Variants in SLC14A2 observed in about 807,000 individuals in gnomAD.
The protein encoded by SLC14A2 is urea transporter 2.
SLC14A2 carries 91 observed loss-of-function variants against 104.6 expected under a neutral mutation model. The observed-to-expected ratio is 0.87, with a 90% confidence interval of 0.73 to 1.04. SLC14A2 has a LOEUF of 1.04. Ranked by LOEUF, SLC14A2 falls within the 50% of genes least tolerant of loss-of-function variation. The pLI is 0.00. For missense variants in SLC14A2, 1,189 were observed against 1,156.0 expected, an observed-to-expected ratio of 1.03 and a Z score of -0.41; for synonymous variants, 476 against 466.4, an observed-to-expected ratio of 1.02 and a Z score of -0.27.
chr18:45,291,836 G>T (rs957742873), intron 1 of SLC14A2, among the ~76,000 whole-genome samples: 1 of 151,928 alleles, frequency 6.6e-6, no homozygotes, highest in Non-Finnish European at 1.5e-5. Context: ...CGGTTGGGGG[G>T]GTGGGGAACG....
chr18:45,216,441 T>A (rs1309451158), intron 1 of SLC14A2, among the ~76,000 whole-genome samples: 1 of 152,178 alleles, frequency 6.6e-6, no homozygotes, highest in Admixed American at 6.6e-5. Flanking sequence ...GGCATCTGCC[T>A]GCTATGGCTA....
chr18:45,417,428 T>C (rs1275329891), intron 1 of SLC14A2, among the ~76,000 whole-genome samples: 1 of 152,186 alleles, frequency 6.6e-6, no homozygotes, highest in Non-Finnish European at 1.5e-5. Context: ...TCTGCATGGC[T>C]TAGGAAGCCT....
chr18:45,485,238 G>C (rs147818800), intron 2 of SLC14A2: 1 of 152,048 alleles, frequency 6.6e-6, no homozygotes, highest in Non-Finnish European at 1.5e-5. Flanking sequence ...CTCAAACCCT[G>C]GCCTTTTAAG....
chr18:45,481,031 TA>T (rs2087482724), intron 1 of SLC14A2, among the ~76,000 whole-genome samples: 1 of 152,102 alleles, frequency 6.6e-6, no homozygotes. Context: ...TGATAAAGTT[TA>T]AAAAGTAAGC....
intron 1 of SLC14A2, among the ~76,000 whole-genome samples, chr18:45,234,149 A>G (rs2084202929): frequency 6.6e-6 from 1 of 152,170 alleles, no homozygotes; most frequent in Non-Finnish European, 1.5e-5. Flanking sequence ...CCTGCCCAGC[A>G]CCAGAAGATC....
intron 1 of SLC14A2, among the ~76,000 whole-genome samples, chr18:45,467,606 G>A (rs941130141): frequency 1.3e-5 from 2 of 152,144 alleles, no homozygotes; most frequent in African/African-American, 4.8e-5. Context: ...GGGTCATAGG[G>A]ACAGGAAGGG....
intron 2 of SLC14A2, among the ~76,000 whole-genome samples, chr18:45,539,542 A>T (rs947403469): frequency 5.2e-4 from 79 of 152,190 alleles, no homozygotes; most frequent in Non-Finnish European, 2.1e-4. Context: ...GCCCCATGTC[A>T]GCCAGCTCTG....
Position 45,641,243 on chromosome 18 carries a change from C to T in SLC14A2, c.1026C>T (p.Tyr342=), listed in dbSNP as rs1307356660. 1 of 1,614,184 alleles carries T rather than the reference C, an allele frequency of 6.2e-7. No homozygotes were observed. The highest frequency in any genetic ancestry group is 1.1e-5 in the South Asian group (1 of 91,088). ...TGGCCACACCCTTCGAGACCATCTA[C>T]ACAGGCCTCTGGAGCTACAACTGCG... is the stretch of plus-strand genomic sequence containing the variant. ...LSVATPFETI[Y]TGLWSYNCVL... Residue 342 remains tyrosine (Y), a synonymous_variant, in exon 8 of 20, where the codon TAC becomes TAT. Transcript: ENST00000255226.
chr18:45,178,289 C>T, the SLC14A2 span, among the ~76,000 whole-genome samples: 3 of 151,944 alleles, frequency 2.0e-5, no homozygotes, highest in Non-Finnish European at 4.4e-5. Flanking sequence ...CATTCTTAAG[C>T]ACTAGAATTC....
chr18:45,498,223 A>G (rs190382928), intron 2 of SLC14A2, among the ~76,000 whole-genome samples: 8 of 152,368 alleles, frequency 5.3e-5, no homozygotes, highest in Non-Finnish European at 1.2e-4. Flanking sequence ...TAGCAATCAA[A>G]TAAATCAACA....
chr18:45,649,880 CCT>C (rs1431414008), intron 10 of SLC14A2, among the ~76,000 whole-genome samples: 1 of 152,208 alleles, frequency 6.6e-6, no homozygotes. Flanking sequence ...AGTTAGTTGT[CCT>C]TTCTGTCTTC....
chr18:45,547,645 G>C (rs901979884), intron 2 of SLC14A2, among the ~76,000 whole-genome samples: 7 of 152,210 alleles, frequency 4.6e-5, no homozygotes, highest in Middle Eastern at 3.2e-3. Context: ...GGCTCATTTA[G>C]TCTCCTTGAC....
At chr18:45,485,953 A>G (rs2087596696) in intron 2 of SLC14A2, among the ~76,000 whole-genome samples, 1 of 152,142 alleles carries the variant, frequency 6.6e-6, no homozygotes, top group Non-Finnish European at 1.5e-5. Context: ...TTAGACTCCA[A>G]GGAAGCCATG....
chr18:45,246,480 T>G (rs2084368451), intron 1 of SLC14A2, among the ~76,000 whole-genome samples: 1 of 152,222 alleles, frequency 6.6e-6, no homozygotes, highest in Non-Finnish European at 1.5e-5. Flanking sequence ...ATTAGTATCT[T>G]ACAGTGATGT....
intron 5 of SLC14A2, among the ~76,000 whole-genome samples, chr18:45,635,556 A>G (rs1208113956): frequency 6.6e-6 from 1 of 152,246 alleles, no homozygotes; most frequent in East Asian, 1.9e-4. Context: ...GAAATGGACA[A>G]GAGCCATTTC....
intron 2 of SLC14A2, among the ~76,000 whole-genome samples, chr18:45,549,478 G>A (rs2044023702): frequency 6.6e-6 from 1 of 152,228 alleles, no homozygotes; most frequent in Non-Finnish European, 1.5e-5. Flanking sequence ...GCTTGTTCAA[G>A]CGCACTTGTG....
intron 1 of SLC14A2, chr18:45,436,656 T>C (rs1323223917): frequency 6.6e-6 from 1 of 152,238 alleles, no homozygotes; most frequent in Non-Finnish European, 1.5e-5. Context: ...TCTATTTTTG[T>C]TCCATCACAG....
rs114998357 is a variant in SLC14A2 at position 45,332,478 on chromosome 18, C to T, written c.-125+119287C>T. Among the ~76,000 whole-genome samples, 987 of 152,162 alleles carry T rather than the reference C, an allele frequency of 6.5e-3. 7 individuals are homozygous for T. The highest frequency in any genetic ancestry group is 0.023 in the African/African-American group (938 of 41,510). On this transcript the variant is annotated intron_variant, in intron 1 of 20. Coordinates refer to the SLC14A2 transcript ENST00000586448. ...TTGAGTATCCATGGATTTTGGTATC[C>T]GTGGGAGGTCTTGCCCAATCTCCCA... is the stretch of plus-strand genomic sequence containing the variant.
At chr18:45,324,326 T>C (rs1465977314) in intron 1 of SLC14A2, among the ~76,000 whole-genome samples, 1 of 152,208 alleles carries the variant, frequency 6.6e-6, no homozygotes, top group Non-Finnish European at 1.5e-5. Flanking sequence ...GATCCAAGTT[T>C]CTTCAATCTT....
Sources: gnomAD v4.1 joint callset for allele counts (sites outside exome capture counted in the v4.1 genomes callset) on GRCh38, gnomAD v4.1.1 for gene constraint, MANE v1.5 for transcripts, NCBI Gene and HGNC (gene_info 2026-07-23, HGNC 2026-07-21) for gene names.